The following KCNN2 variants were observed in gnomAD, a reference collection of about 807,000 sequenced individuals.
KCNN2 encodes small conductance calcium-activated potassium channel protein 2.
In KCNN2, 24 loss-of-function variants were observed where a neutral mutation model predicts 55.5. The ratio of observed to expected loss-of-function variants is 0.43; its 90% CI spans 0.31 to 0.61. The LOEUF (loss-of-function observed/expected upper bound fraction) is 0.61, where lower values mean the gene tolerates loss of function less well. Among genes scored for constraint, KCNN2 ranks in the 20% least tolerant of loss-of-function variants. The pLI, the probability that KCNN2 is intolerant of heterozygous loss-of-function variation, is 0.08. For missense variants in KCNN2, 754 were observed against 853.6 expected (o/e 0.88, Z 1.45); for synonymous variants, 431 against 336.1 (o/e 1.28, Z -3.09).
At chr5:114,154,548 C>G (rs1752592301) in intron 1 of KCNN2, among the ~76,000 whole-genome samples, 1 of 152,122 alleles carries the variant, frequency 6.6e-6, no homozygotes, top group Non-Finnish European at 1.5e-5. Flanking sequence ...TCCAGAAATG[C>G]TGTAAATACC....
Position 114,404,860 on chromosome 5 carries a change from A to G in KCNN2, c.1637+4A>G. 1 of 1,597,522 alleles carries G rather than the reference A, an allele frequency of 6.3e-7. No homozygotes were observed. ...GGACTGTCCGAGCTTGTGAAAGGTAAGTTTGTTTCTTTTCCTGAGAACATA... is the reference window on the plus strand; with the variant it reads ...GGACTGTCCGAGCTTGTGAAAGGTAGGTTTGTTTCTTTTCCTGAGAACATA... On this transcript the variant is annotated splice_donor_region_variant and intron_variant, in intron 3 of 7. Coordinates refer to ENST00000673685, the MANE Select transcript of KCNN2 (RefSeq NM_021614.4).
At chr5:114,157,215 C>T (rs1752655163) in intron 1 of KCNN2, among the ~76,000 whole-genome samples, 1 of 144,080 alleles carries the variant, frequency 6.9e-6, no homozygotes, top group Admixed American at 7.4e-5. Flanking sequence ...TCCTTATGTT[C>T]TCATTGTTCA....
chr5:114,264,915 T>C (rs1755179482), intron 2 of KCNN2, among the ~76,000 whole-genome samples: 1 of 152,214 alleles, frequency 6.6e-6, no homozygotes, highest in African/African-American at 2.4e-5. Flanking sequence ...GCATAGAAGG[T>C]AAATTTTACC....
chr5:114,340,005 A>C (rs1756988304), intron 2 of KCNN2, among the ~76,000 whole-genome samples: 2 of 152,094 alleles, frequency 1.3e-5, no homozygotes, highest in Non-Finnish European at 1.5e-5. Context: ...AGCTTGGAAA[A>C]ATGAAAAACT....
intron 1 of KCNN2, among the ~76,000 whole-genome samples, chr5:114,188,134 G>C (rs536337326): frequency 1.3e-5 from 2 of 152,310 alleles, no homozygotes; most frequent in South Asian, 4.1e-4. Flanking sequence ...TTAAGACCCA[G>C]AGATATCTTC....
At chr5:114,313,588 C>T (rs1285970237) in intron 2 of KCNN2, among the ~76,000 whole-genome samples, 1 of 152,160 alleles carries the variant, frequency 6.6e-6, no homozygotes, top group Non-Finnish European at 1.5e-5. Flanking sequence ...CAGCAGTTCA[C>T]TCAGGAAGGT....
intron 2 of KCNN2, among the ~76,000 whole-genome samples, chr5:114,347,600 T>C (rs1757134342): frequency 6.6e-6 from 1 of 152,174 alleles, no homozygotes; most frequent in South Asian, 2.1e-4. Flanking sequence ...TTTCACATAA[T>C]TTATCTTTGG....
chr5:114,244,638 C>CAG (rs35939020), intron 2 of KCNN2, among the ~76,000 whole-genome samples: 55 of 147,584 alleles, frequency 3.7e-4, no homozygotes, highest in South Asian at 2.4e-3. Context: ...AGGGGAGAGA[C>CAG]AGAGAGAGAG....
At chr5:114,102,917 T>C (rs969815999) in intron 1 of KCNN2, among the ~76,000 whole-genome samples, 13 of 152,114 alleles carry the variant, frequency 8.5e-5, no homozygotes, top group South Asian at 2.1e-4. Flanking sequence ...CTTGGCTATA[T>C]GGGCTCTTTT....
At chr5:114,251,755 G>A (rs1457884268) in intron 2 of KCNN2, among the ~76,000 whole-genome samples, 1 of 151,722 alleles carries the variant, frequency 6.6e-6, no homozygotes, top group East Asian at 1.9e-4. Flanking sequence ...CTCAGATAGT[G>A]TAGATTCTTT....
intron 1 of KCNN2, among the ~76,000 whole-genome samples, chr5:114,074,303 T>TGC: frequency 7.0e-6 from 1 of 142,532 alleles, no homozygotes. Context: ...CGTGTGTGTG[T>TGC]GTGTGTGTGT....
At chr5:114,483,336 G>A (rs909260502) in intron 5 of KCNN2, among the ~76,000 whole-genome samples, 2 of 147,954 alleles carry the variant, frequency 1.4e-5, no homozygotes, top group South Asian at 2.2e-4. Flanking sequence ...GCACAGCAGC[G>A]TGATCTCGGC....
chr5:114,128,074 A>G (rs909509837), intron 1 of KCNN2, among the ~76,000 whole-genome samples: 28 of 152,004 alleles, frequency 1.8e-4, no homozygotes, highest in African/African-American at 6.8e-4. Flanking sequence ...AGCCCTCCAA[A>G]CTGTTCCAGC....
At chr5:114,363,826 G>GGACT in intron 1 of KCNN2, 80 bp from the exon 2 acceptor site, 2 of 957,904 alleles carry the variant, frequency 2.1e-6, no homozygotes, top group South Asian at 1.4e-5. Flanking sequence ...CACCTGTGGG[G>GGACT]GACTGACTGA....
At chr5:114,357,199 G>T (rs1183376996), upstream of KCNN2, among the ~76,000 whole-genome samples, 1 of 151,690 alleles carries the variant, frequency 6.6e-6, no homozygotes, top group East Asian at 1.9e-4. Context: ...ACAACAAAAA[G>T]ACATAGCATA....
At chr5:114,312,424 C>CATATAT (rs1756414912) in intron 2 of KCNN2, among the ~76,000 whole-genome samples, 8 of 60,204 alleles carry the variant, frequency 1.3e-4, no homozygotes, top group Non-Finnish European at 2.1e-4. Flanking sequence ...CACACACACA[C>CATATAT]ACACACACAC....
chr5:114,475,926 T>C (rs1761944176), intron 5 of KCNN2, among the ~76,000 whole-genome samples: 1 of 152,228 alleles, frequency 6.6e-6, no homozygotes, highest in African/African-American at 2.4e-5. Flanking sequence ...TTGCCTGAAT[T>C]GTCAACTTAT....
chr5:114,145,193 A>G (rs1036800276), intron 1 of KCNN2, among the ~76,000 whole-genome samples: 1 of 152,194 alleles, frequency 6.6e-6, no homozygotes, highest in African/African-American at 2.4e-5. Context: ...GGTTGTCACT[A>G]CTTTTTTGTA....
At chr5:114,062,607 T>G (rs1430095978) in intron 1 of KCNN2, among the ~76,000 whole-genome samples, 1 of 152,184 alleles carries the variant, frequency 6.6e-6, no homozygotes, top group Admixed American at 6.5e-5. Context: ...GAAATCCTAG[T>G]AAGAAATTTG....
Sources: gnomAD v4.1 joint callset for allele counts (sites outside exome capture counted in the v4.1 genomes callset) on GRCh38, gnomAD v4.1.1 for gene constraint, MANE v1.5 for transcripts, NCBI Gene and HGNC (gene_info 2026-07-23, HGNC 2026-07-21) for gene names.